Variants in SLC14A2 observed in about 807,000 individuals in gnomAD.
SLC14A2 encodes solute carrier family 14 member 2.
A neutral mutation model predicts 104.6 loss-of-function variants in SLC14A2; 91 were observed. That is an observed-to-expected ratio of 0.87 (90% CI 0.73 to 1.04). The LOEUF (loss-of-function observed/expected upper bound fraction) is 1.04. SLC14A2 is among the 50% of genes least tolerant of loss of function. The probability of loss-of-function intolerance (pLI) is 0.00; values close to 1 mark genes in which losing one functional copy is unlikely to be tolerated. For missense variants in SLC14A2, 1,189 were observed against 1,156.0 expected, an observed-to-expected ratio of 1.03 and a Z score of -0.41; for synonymous variants, 476 against 466.4, an observed-to-expected ratio of 1.02 and a Z score of -0.27.
At chr18:45,525,272 G>C (rs1457903374) in intron 2 of SLC14A2, among the ~76,000 whole-genome samples, 1 of 152,126 alleles carries the variant, frequency 6.6e-6, no homozygotes, top group African/African-American at 2.4e-5. Flanking sequence ...GTATCTTGCA[G>C]TTAATCATAA....
chr18:45,326,755 A>G (rs560989120), intron 1 of SLC14A2, among the ~76,000 whole-genome samples: 2 of 152,272 alleles, frequency 1.3e-5, no homozygotes, highest in Non-Finnish European at 2.9e-5. Flanking sequence ...TACAGGTTGG[A>G]TGAGTGGACT....
chr18:45,195,564 G>C, the SLC14A2 span, among the ~76,000 whole-genome samples: 5 of 152,196 alleles, frequency 3.3e-5, no homozygotes, highest in Middle Eastern at 3.4e-3. Flanking sequence ...GCTAATTTTT[G>C]TATTTTTAGT....
At chr18:45,563,365 G>A (rs939703253) in intron 2 of SLC14A2, among the ~76,000 whole-genome samples, 1 of 152,140 alleles carries the variant, frequency 6.6e-6, no homozygotes, top group Non-Finnish European at 1.5e-5. Flanking sequence ...CAGTGTTGTG[G>A]GGCCAGAAGC....
At chr18:45,568,333 C>G (rs1278088913) in intron 2 of SLC14A2, among the ~76,000 whole-genome samples, 1 of 152,214 alleles carries the variant, frequency 6.6e-6, no homozygotes, top group Non-Finnish European at 1.5e-5. Context: ...ATGATTGGAG[C>G]CATGGCTGCC....
chr18:45,675,034 C>T (rs368970443), intron 18 of SLC14A2, among the ~76,000 whole-genome samples: 3 of 152,298 alleles, frequency 2.0e-5, no homozygotes, highest in African/African-American at 7.2e-5. Context: ...TCATTAAACT[C>T]CCCACCCCCT....
chr18:45,346,726 G>A (rs532696142), intron 1 of SLC14A2, among the ~76,000 whole-genome samples: 8 of 152,084 alleles, frequency 5.3e-5, no homozygotes, highest in East Asian at 1.9e-4. Flanking sequence ...TCACGAGTTC[G>A]AGACCTGGCC....
chr18:45,231,141 A>G (rs1309108934), intron 1 of SLC14A2, among the ~76,000 whole-genome samples: 1 of 152,220 alleles, frequency 6.6e-6, no homozygotes. Flanking sequence ...GTCCAAAGTC[A>G]CAGTGGACAA....
At chr18:45,523,211 C>T (rs1156319512) in intron 2 of SLC14A2, among the ~76,000 whole-genome samples, 2 of 151,694 alleles carry the variant, frequency 1.3e-5, no homozygotes, top group African/African-American at 4.9e-5. Flanking sequence ...CCAGCCCCAG[C>T]CCCTATGCTG....
intron 10 of SLC14A2, among the ~76,000 whole-genome samples, chr18:45,649,092 AC>A (rs1488138724): frequency 3.3e-5 from 5 of 152,092 alleles, no homozygotes; most frequent in African/African-American, 1.2e-4. Flanking sequence ...AATGGTGTGA[AC>A]CCAGGAGGTG....
chr18:45,545,698 G>A (rs1292188362), intron 2 of SLC14A2, among the ~76,000 whole-genome samples: 1 of 152,138 alleles, frequency 6.6e-6, no homozygotes, highest in African/African-American at 2.4e-5. Context: ...TTGGAAAGCT[G>A]GGTTTTCATT....
At chr18:45,524,504 C>A (rs1382876124) in intron 2 of SLC14A2, among the ~76,000 whole-genome samples, 1 of 152,176 alleles carries the variant, frequency 6.6e-6, no homozygotes, top group Non-Finnish European at 1.5e-5. Flanking sequence ...AAGGGTTGGA[C>A]ACTGGCCTCA....
chr18:45,513,038 C>T (rs907786649), intron 2 of SLC14A2, among the ~76,000 whole-genome samples: 4 of 152,248 alleles, frequency 2.6e-5, no homozygotes, highest in South Asian at 4.1e-4. Context: ...TAGCCTATGT[C>T]ACCACCAACA....
upstream of SLC14A2, among the ~76,000 whole-genome samples, chr18:45,212,517 A>G (rs2083970001): frequency 6.6e-6 from 1 of 152,212 alleles, no homozygotes; most frequent in African/African-American, 2.4e-5. Flanking sequence ...TCTGGCATAC[A>G]GTACGCGCAA....
chr18:45,292,555 A>G (rs1427746840), intron 1 of SLC14A2, among the ~76,000 whole-genome samples: 1 of 152,172 alleles, frequency 6.6e-6, no homozygotes, highest in African/African-American at 2.4e-5. Flanking sequence ...GCAAGAAAGG[A>G]GTGGGTTGTG....
intron 1 of SLC14A2, among the ~76,000 whole-genome samples, chr18:45,399,494 G>T (rs542191689): frequency 1.3e-5 from 2 of 152,288 alleles, no homozygotes; most frequent in East Asian, 3.9e-4. Context: ...AGGCAGTCTA[G>T]CTGGGGTCCA....
intron 1 of SLC14A2, among the ~76,000 whole-genome samples, chr18:45,256,027 C>T (rs2084474315): frequency 6.6e-6 from 1 of 152,168 alleles, no homozygotes. Context: ...ATTCCTGACA[C>T]CTGCCTTTGT....
chr18:45,515,324 T>A (rs1173323352), intron 2 of SLC14A2: 1 of 152,230 alleles, frequency 6.6e-6, no homozygotes, highest in African/African-American at 2.4e-5. Flanking sequence ...ATAGAGAGTG[T>A]AGACAGTGTC....
At chr18:45,530,582 C>G (rs1164559490) in intron 2 of SLC14A2, among the ~76,000 whole-genome samples, 1 of 152,026 alleles carries the variant, frequency 6.6e-6, no homozygotes, top group African/African-American at 2.4e-5. Flanking sequence ...CCATCTATGT[C>G]TAAATATGTT....
At chr18:45,625,166 G>A (rs751724420) in intron 2 of SLC14A2, among the ~76,000 whole-genome samples, 1 of 152,030 alleles carries the variant, frequency 6.6e-6, no homozygotes, top group Non-Finnish European at 1.5e-5. Context: ...CACAGAGGTA[G>A]ACTGGCTGGC....
Sources: allele counts gnomAD v4.1 joint callset (sites outside exome capture counted in the v4.1 genomes callset), GRCh38; gene constraint gnomAD v4.1.1; transcripts MANE v1.5; gene names NCBI Gene and HGNC (gene_info 2026-07-23, HGNC 2026-07-21).